The following ABCA3 variants were observed in gnomAD, a reference collection of about 807,000 sequenced individuals.
The protein encoded by ABCA3 is ATP binding cassette subfamily A member 3.
Under a neutral mutation model 172.8 loss-of-function variants are expected in ABCA3, and 88 were observed. The observed-to-expected ratio is 0.51, with a 90% CI of 0.43 to 0.61. The LOEUF (loss-of-function observed/expected upper bound fraction) is 0.61, where lower values mean the gene tolerates loss of function less well. Ranked by LOEUF, ABCA3 falls within the 20% of genes least tolerant of loss-of-function variation. The pLI, the probability that ABCA3 is intolerant of heterozygous loss-of-function variation, is 0.00. For missense variants in ABCA3, 2,164 were observed against 2,301.0 expected (o/e 0.94, Z 1.22); for synonymous variants, 1,066 against 983.8 (o/e 1.08, Z -1.56).
In ABCA3 at chr16:2,277,726, G is replaced by A. The variant is rs2093648648; in HGVS notation, c.4910-56C>T. 1 of 1,606,902 alleles carries A rather than the reference G, an allele frequency of 6.2e-7. No individual in the cohort carries two copies. Among genetic ancestry groups the A allele is most frequent in the Non-Finnish European group, 8.5e-7 (1 of 1,176,030 alleles). Reference sequence around the variant, plus strand: ...GCGCCGGGCTGGAGGATCGGGGAGGGTGCCTGGGTGCTCAGCACTGGAGTC... The same window carrying A: ...GCGCCGGGCTGGAGGATCGGGGAGGATGCCTGGGTGCTCAGCACTGGAGTC... On this transcript the variant is annotated intron_variant, in intron 31 of 32. Transcript: ENST00000301732. The surrounding 1 kb of genome is among the most constrained non-coding windows in gnomAD (Gnocchi z 5.3).
intron 11 of ABCA3, among the ~76,000 whole-genome samples, 176 bp from the exon 12 acceptor site, chr16:2,304,326 G>A (rs913908491): frequency 6.6e-6 from 1 of 152,054 alleles, no homozygotes; most frequent in Non-Finnish European, 1.5e-5. Context: ...AAGCCTGGAA[G>A]ATAAACTCAG....
At position 2,276,304 on chromosome 16, in the gene ABCA3, C is replaced by G. The variant is rs1285426543; in HGVS notation, c.*370G>C. On this transcript the variant is annotated 3_prime_UTR_variant, in exon 33 of 33. Coordinates refer to ENST00000301732, the MANE Select transcript of ABCA3 (RefSeq NM_001089.3). ...AGGGGAGATTAGTGTCGTGTGTAAA[C>G]TTGGACAAGTCACTGGGTCCTCTCT... 1.9e-5 allele frequency: 9 copies of G among 468,122 alleles called. No homozygotes were observed. The highest frequency in any genetic ancestry group is 3.8e-5 in the Non-Finnish European group (9 of 235,038). 29.0% of individuals were successfully genotyped at this position (468,122 alleles called of 1,614,324 possible). A position where few individuals can be genotyped will look rare whatever the true frequency, so the allele number is the denominator to read the frequency against.
At position 2,317,680 on chromosome 16, in the gene ABCA3, C is replaced by T. The variant is rs780116425; in HGVS notation, c.958G>A (p.Ala320Thr). The change falls in exon 9 of 33, where the codon GCC becomes ACC. Residue 320 changes from alanine (A) to threonine (T), a missense_variant. Ala to Thr is a moderately conservative substitution (Grantham distance 58, BLOSUM62 0). Coordinates refer to ENST00000301732, the MANE Select transcript of ABCA3 (RefSeq NM_001089.3). ...CAGAAGAGCAGGGTCATGAAGGAGG[C>T]GGCGATGAGGAGGAAGAGGAAGAAC... The part of the protein sequence containing the change: ...LLFFLFLLIA[A>T]SFMTLLFCVK... 63 of 1,614,036 alleles carry T rather than the reference C, an allele frequency of 3.9e-5. No homozygotes were observed. The highest frequency in any genetic ancestry group is 4.5e-5 in the East Asian group (2 of 44,890).
At chr16:2,335,271 C>A (rs2093749954) in intron 1 of ABCA3, among the ~76,000 whole-genome samples, 1 of 152,064 alleles carries the variant, frequency 6.6e-6, no homozygotes, top group South Asian at 2.1e-4. Context: ...AAGTATTTTT[C>A]TTTAAAAATG....
intron 7 of ABCA3, among the ~76,000 whole-genome samples, chr16:2,320,056 C>T (rs2093723474): frequency 6.6e-6 from 1 of 151,992 alleles, no homozygotes; most frequent in Non-Finnish European, 1.5e-5. Flanking sequence ...TTGTCACTTC[C>T]ACTTTGTAAC....
At chr16:2,339,585 G>C (rs1236156574) in intron 1 of ABCA3, among the ~76,000 whole-genome samples, 2 of 152,194 alleles carry the variant, frequency 1.3e-5, no homozygotes, top group Non-Finnish European at 2.9e-5. Context: ...GGATGCCCAG[G>C]AGAAGAGTGA....
chr16:2,297,906 G>A lies in ABCA3; in HGVS notation c.1912C>T (p.Arg638Cys), dbSNP rs545166587. Residue 638 changes from arginine (R) to cysteine (C), a missense_variant, in exon 16 of 33, where the codon CGT (arginine) becomes TGT (cysteine). Coordinates refer to ENST00000301732, the MANE Select transcript of ABCA3 (RefSeq NM_001089.3). The surrounding 1 kb of genome is among the most constrained non-coding windows in gnomAD (Gnocchi z 5.6). The part of the protein sequence containing the change: ...YFYAQLKGLS[R>C]QKCPEEVKQM... ...TTGACTTCTTCAGGGCACTTCTGAC[G>A]TGACAGGCCCTTCAGCTGCAACGAC... 8.7e-6 allele frequency: 14 copies of A among 1,613,752 alleles called. No individual in the cohort carries two copies. Among genetic ancestry groups the A allele is most frequent in the Middle Eastern group, 1.7e-4 (1 of 6,032 alleles).
At chr16:2,305,308 A>AT (rs1295239074) in intron 11 of ABCA3, among the ~76,000 whole-genome samples, 3 of 149,974 alleles carry the variant, frequency 2.0e-5, no homozygotes, top group African/African-American at 4.9e-5. Flanking sequence ...TAATTTTTGT[A>AT]TTTTTTTTAG....
rs1405979336 is a variant in ABCA3, at chr16:2,288,321, C to T, written c.2709G>A (p.Leu903=). Residue 903 remains leucine, a synonymous_variant, in exon 21 of 33, where the codon CTG becomes CTA. Coordinates refer to ENST00000301732, the MANE Select transcript of ABCA3 (RefSeq NM_001089.3). ...TAVKLNTGLA[L]HCQQFWAMFL... is the part of the protein sequence containing the mutation. ...ACATGGCCCAGAATTGCTGGCAGTG[C>T]AGGGCGAGCTGCGGCAGAGGGGACG... The T allele has an allele frequency of 6.4e-7, 1 of 1,555,974 alleles. No individual in the cohort carries two copies. The highest frequency in any genetic ancestry group is 1.9e-5 in the Admixed American group (1 of 52,874).
chr16:2,323,533 G>A lies in ABCA3; in HGVS notation c.603C>T (p.Gly201=), dbSNP rs200729333. Residue 201 remains glycine, a synonymous_variant, in exon 7 of 33, where the codon GGC becomes GGT. Transcript: ENST00000301732. ...PGPREPTSPD[G]GEPGYIREGF... is the part of the protein sequence containing the mutation. ...AACCGAGCTTCTCACCAGGTTCTCCGCCATCAGGGGATGTAGGTTCCCTTG... is the reference window on the plus strand; with the variant it reads ...AACCGAGCTTCTCACCAGGTTCTCCACCATCAGGGGATGTAGGTTCCCTTG... The A allele has an allele frequency of 9.9e-6, 16 of 1,614,078 alleles. No homozygotes were observed. The East Asian group carries it at 1.3e-4, about 13-fold the overall frequency.
In ABCA3 at chr16:2,286,613, T is replaced by C; in HGVS notation, c.3278+81A>G. ...TTGGGAGGGCAGACACAATGCTCTATCTATGGGCCCGTGGCAGTGCCCAGG... is the reference window on the plus strand; with the variant it reads ...TTGGGAGGGCAGACACAATGCTCTACCTATGGGCCCGTGGCAGTGCCCAGG... On this transcript the variant is annotated intron_variant, in intron 22 of 32. Transcript: ENST00000301732. This position sits in a 1 kb window ranked among gnomAD's most constrained non-coding sequence, Gnocchi z 5.2. The C allele has an allele frequency of 6.4e-7, 1 of 1,572,174 alleles. No individual in the cohort carries two copies. Among genetic ancestry groups the C allele is most frequent in the Non-Finnish European group, 8.7e-7 (1 of 1,153,496 alleles).
At chr16:2,293,454 C>G (rs1194766454) in intron 18 of ABCA3, among the ~76,000 whole-genome samples, 2 of 149,788 alleles carry the variant, frequency 1.3e-5, no homozygotes, top group Admixed American at 6.7e-5. Flanking sequence ...TCACTGAAGC[C>G]TTGACCTCCC....
intron 10 of ABCA3, 74 bp from the exon 11 acceptor site, chr16:2,308,697 G>C: frequency 1.9e-6 from 3 of 1,574,652 alleles, no homozygotes; most frequent in Non-Finnish European, 2.6e-6. Context: ...CCGAGGTACA[G>C]GCAACCCCCT....
intron 10 of ABCA3, among the ~76,000 whole-genome samples, chr16:2,316,730 T>C (rs912032030): frequency 2.0e-5 from 3 of 150,392 alleles, no homozygotes; most frequent in African/African-American, 7.3e-5. Flanking sequence ...GGTGGTGAGG[T>C]TGGAGTTTTA....
At chr16:2,291,014 T>G (rs1002238664) in intron 19 of ABCA3, among the ~76,000 whole-genome samples, 1 of 151,864 alleles carries the variant, frequency 6.6e-6, no homozygotes, top group African/African-American at 2.4e-5. Context: ...AGATTACAGG[T>G]GTGTGCCACC....
chr16:2,319,528 T>G (rs923089031), intron 8 of ABCA3, 53 bp downstream of exon 8: 1 of 1,582,390 alleles, frequency 6.3e-7, no homozygotes, highest in Non-Finnish European at 8.6e-7. Flanking sequence ...GGACATGGCC[T>G]CCCCAGGACA....
At position 2,287,466 on chromosome 16, in the gene ABCA3, C is replaced by T. The variant is rs756960791; in HGVS notation, c.3005-499G>A. Among the ~76,000 whole-genome samples, 1 of 152,094 alleles carries T rather than the reference C, an allele frequency of 6.6e-6. No individual in the cohort carries two copies. The highest frequency in any genetic ancestry group is 1.5e-5 in the Non-Finnish European group (1 of 68,010). On this transcript the variant is annotated intron_variant, in intron 21 of 32. Coordinates refer to ENST00000301732, the MANE Select transcript of ABCA3 (RefSeq NM_001089.3). This position sits in a 1 kb window ranked among gnomAD's most constrained non-coding sequence, Gnocchi z 4.1. ...AGCTAATTTTTGTGTTTAGTAGAGA[C>T]AGAGTTTTGCCATGTTGACCAGGCT...
At position 2,278,315 on chromosome 16, in the gene ABCA3, C is replaced by G; in HGVS notation, c.4691G>C (p.Gly1564Ala). ...GTGGGAGGTGATGATGATGGCCTTG[C>G]CAGACTCTCGGGCTCGTGCCACGGT... ...WDTVARARES[G>A]KAIIITSHSM... The change falls in exon 30 of 33, where the codon GGC becomes GCC. Residue 1564 changes from glycine (G) to alanine (A), a missense_variant. Gly to Ala is a moderately conservative substitution (Grantham distance 60). This residue lies in a region of ABCA3 where 795 missense variants were observed against 881.9 expected (regional missense o/e 0.90). Transcript: ENST00000301732. This position sits in a 1 kb window ranked among gnomAD's most constrained non-coding sequence, Gnocchi z 4.4. 2 of 1,609,950 alleles carry G rather than the reference C, an allele frequency of 1.2e-6. No homozygotes were observed. Among genetic ancestry groups the G allele is most frequent in the Non-Finnish European group, 8.5e-7 (1 of 1,179,978 alleles).
intron 12 of ABCA3, among the ~76,000 whole-genome samples, chr16:2,301,420 G>A (rs1017070149): frequency 2.0e-4 from 31 of 151,874 alleles, no homozygotes; most frequent in Non-Finnish European, 3.7e-4. Context: ...AACAGAAATG[G>A]CCTCGGCTGG....
Sources: gnomAD v4.1 joint callset for allele counts (sites outside exome capture counted in the v4.1 genomes callset) on GRCh38, gnomAD v4.1.1 for gene constraint, gnomAD v4.1.1 regional missense constraint, Gnocchi (gnomAD v3.1) non-coding constraint, MANE v1.5 for transcripts, NCBI Gene and HGNC (gene_info 2026-07-23, HGNC 2026-07-21) for gene names.